Variants in SPDYC observed in about 807,000 individuals in gnomAD.
SPDYC encodes the protein speedy/RINGO cell cycle regulator family member C, also known as speedy protein C.
A neutral mutation model predicts 33.9 loss-of-function variants in SPDYC; 25 were observed. That is an observed-to-expected ratio of 0.74 (90% CI 0.54 to 1.03). The LOEUF is 1.03. SPDYC is among the 50% of genes least tolerant of loss of function. The pLI is 0.00. For missense variants in SPDYC, 349 were observed against 382.9 expected (o/e 0.91, Z 0.74); for synonymous variants, 133 against 140.2 (o/e 0.95, Z 0.36).
chr11:65,172,942 G>A (rs769694794), exon 6 of SPDYC: 3 of 1,613,924 alleles, frequency 1.9e-6, no homozygotes, highest in South Asian at 2.2e-5. Flanking sequence ...GGTCAAAAAC[G>A]CCTGGGGTGG....
Position 65,173,108 on chromosome 11 carries a change from T to C in SPDYC, c.848-75T>C, listed in dbSNP as rs190391962. 1.5e-3 allele frequency: 2,360 copies of C among 1,601,864 alleles called. 11 individuals are homozygous for C. The highest frequency in any genetic ancestry group is 1.0e-3 in the Non-Finnish European group (1,177 of 1,172,810). ...AATATGAGAGAGAGGGCCATGGGCC[T>C]GGGGTCGACGTGCTGCCCCTCCCGT... is the stretch of plus-strand genomic sequence containing the variant. On this transcript the variant is annotated intron_variant, in intron 6 of 6. Transcript: ENST00000377185.
At chr11:65,172,630 T>C (rs146895192) in intron 5 of SPDYC, 25 bp downstream of exon 5, 8 of 1,555,660 alleles carry the variant, frequency 5.1e-6, no homozygotes, top group Admixed American at 3.8e-5. Context: ...CAACCTGGGG[T>C]GTGGGGAAGG....
downstream of SPDYC, chr11:65,173,360 A>T: frequency 3.0e-6 from 3 of 1,015,330 alleles, no homozygotes; most frequent in Non-Finnish European, 4.2e-6. Flanking sequence ...TCATGTCCAC[A>T]GGACACCAAC....
At chr11:65,170,775 C>T (rs1271069297) in intron 1 of SPDYC, among the ~76,000 whole-genome samples, 1 of 152,028 alleles carries the variant, frequency 6.6e-6, no homozygotes, top group Non-Finnish European at 1.5e-5. Flanking sequence ...CCCAGCTACT[C>T]GGGAGGCTCA....
exon 5 of SPDYC, chr11:65,172,561 C>T (rs140606674): frequency 7.7e-6 from 12 of 1,560,228 alleles, no homozygotes; most frequent in African/African-American, 2.7e-5. Context: ...GCTTTGGGCA[C>T]GGATGGGTTT....
rs141260031 is a variant in SPDYC at position 65,171,970 on chromosome 11, C to T, written c.227C>T (p.Ser76Phe). The change falls in exon 3 of 7, where the codon TCC becomes TTC. Residue 76 changes from serine to phenylalanine, a missense_variant. Ser to Phe is a radical substitution (Grantham distance 155). Coordinates refer to ENST00000377185, the Ensembl canonical transcript of SPDYC. The stretch of plus-strand genomic sequence containing the variant: ...GACAGTTTTGTCCAGGAATTCCTCT[C>T]CAAAGACCCCTGCTTCCAGATTTCA... 3.8e-5 allele frequency: 61 copies of T among 1,614,018 alleles called. No homozygotes were observed. In the African/African-American group the frequency reaches 6.7e-4, roughly 18 times the overall value.
In SPDYC at chr11:65,173,199, G is replaced by A. The variant is rs148562610; in HGVS notation, c.864G>A (p.Pro288=). 6.2e-5 allele frequency: 100 copies of A among 1,613,890 alleles called. No homozygotes were observed. The African/African-American group carries it at 1.1e-3, about 17-fold the overall frequency. The change falls in exon 7 of 7, where the codon CCG becomes CCA. Residue 288 remains proline (P), a synonymous_variant. Coordinates refer to ENST00000377185, the Ensembl canonical transcript of SPDYC. The stretch of plus-strand genomic sequence containing the variant: ...TCTCCCCAGTCTTCCCAAAGCCTCC[G>A]GCACGCCCTGGGCACTGAAGCTCTG...
exon 2 of SPDYC, chr11:65,171,370 C>G: frequency 1.2e-6 from 2 of 1,612,580 alleles, no homozygotes; most frequent in Non-Finnish European, 1.7e-6. Flanking sequence ...GAGTGACTCC[C>G]AAGACCCCAC....
exon 2 of SPDYC, chr11:65,171,352 T>G (rs368854419): frequency 4.3e-6 from 7 of 1,612,474 alleles, no homozygotes; most frequent in South Asian, 1.1e-5. Context: ...CTCCATCTCC[T>G]ATGAGATGAG....
At chr11:65,173,118 G>C in intron 6 of SPDYC, 65 bp from the exon 7 acceptor site, 2 of 1,605,264 alleles carry the variant, frequency 1.2e-6, no homozygotes, top group Non-Finnish European at 1.7e-6. Flanking sequence ...TGGGGTCGAC[G>C]TGCTGCCCCT....
In SPDYC at chr11:65,172,943, C is replaced by G. The variant is rs762771817; in HGVS notation, c.776C>G (p.Ala259Gly). Reference sequence around the variant, plus strand: ...AATTATCTCTCAAGGGTCAAAAACGCCTGGGGTGGGGACTTTCTCATCGTC... The same window carrying G: ...AATTATCTCTCAAGGGTCAAAAACGGCTGGGGTGGGGACTTTCTCATCGTC... Residue 259 changes from alanine to glycine, a missense_variant, in exon 6 of 7, where the codon GCC becomes GGC. Ala to Gly is a moderately conservative substitution (Grantham distance 60). Transcript: ENST00000377185. 32 of 1,614,010 alleles carry G rather than the reference C, an allele frequency of 2.0e-5. No individual in the cohort carries two copies. The highest frequency in any genetic ancestry group is 2.5e-5 in the Non-Finnish European group (29 of 1,180,022).
chr11:65,171,468 C>T lies in SPDYC; in HGVS notation c.168C>T (p.His56=), dbSNP rs1247907421. Residue 56 remains histidine (H), a synonymous_variant, in exon 2 of 7, where the codon CAC becomes CAT. Coordinates refer to ENST00000377185, the Ensembl canonical transcript of SPDYC. ...ATGGGTTCCTCCGTTTTCGCCAGCA[C>T]CAGGAGGTCCAGGCCTTCCTCAGCC... 2 of 1,592,416 alleles carry T rather than the reference C, an allele frequency of 1.3e-6. 1 individual carries two copies. Among genetic ancestry groups the T allele is most frequent in the Admixed American group, 3.6e-5 (2 of 54,908 alleles).
rs79270751 is a variant in SPDYC at position 65,172,467 on chromosome 11, G to A, written c.378G>A (p.Glu126=). 301 of 1,589,770 alleles carry A rather than the reference G, an allele frequency of 1.9e-4. 1 individual carries two copies. In the African/African-American group the frequency reaches 3.5e-3, roughly 19 times the overall value. Residue 126 remains glutamate (E), a synonymous_variant, in exon 5 of 7, where the codon GAG becomes GAA. Coordinates refer to ENST00000377185, the Ensembl canonical transcript of SPDYC. ...CAAACGACATGGAGGAGGACCTGGA[G>A]GGCCCCAAATGTGAGATTTTTCCAT...
chr11:65,172,956 C>G lies in SPDYC; in HGVS notation c.789C>G (p.Asp263Glu), dbSNP rs1384777272. The G allele has an allele frequency of 1.9e-6, 3 of 1,613,818 alleles. No homozygotes were observed. The highest frequency in any genetic ancestry group is 3.3e-5 in the Admixed American group (2 of 59,984). ...GGGTCAAAAACGCCTGGGGTGGGGA[C>G]TTTCTCATCGTCTTGCCTCCCCAGA... The change falls in exon 6 of 7, where the codon GAC becomes GAG. Residue 263 changes from aspartate (D) to glutamate (E), a missense_variant. Transcript: ENST00000377185.
chr11:65,171,555 G>C, intron 2 of SPDYC, 56 bp downstream of exon 2: 1 of 1,451,354 alleles, frequency 6.9e-7, no homozygotes, highest in Non-Finnish European at 9.1e-7. Context: ...GAAAGCAGAT[G>C]TGAAGTGTGG....
At chr11:65,171,533 G>A (rs554630000) in intron 2 of SPDYC, 34 bp downstream of exon 2, 1 of 1,492,148 alleles carries the variant, frequency 6.7e-7, no homozygotes, top group South Asian at 1.3e-5. Context: ...GAGGGGCCGT[G>A]AGGTCAAGTG....
At position 65,172,003 on chromosome 11, in the gene SPDYC, T is replaced by C. The variant is rs1373885530; in HGVS notation, c.258+2T>C. The C allele has an allele frequency of 1.2e-6, 2 of 1,613,924 alleles. No individual in the cohort carries two copies. The highest frequency in any genetic ancestry group is 8.5e-7 in the Non-Finnish European group (1 of 1,179,948). On this transcript the variant is annotated splice_donor_variant, in intron 3 of 6. Transcript: ENST00000377185. LOFTEE classifies it high-confidence loss of function. ...CCCTGCTTCCAGATTTCAGATAAGG[T>C]GAGGGAGTACAGGCTGGGGGTCTCT...
downstream of SPDYC, chr11:65,173,292 C>T (rs1266019649): frequency 4.6e-6 from 7 of 1,529,272 alleles, no homozygotes; most frequent in African/African-American, 2.8e-5. Flanking sequence ...CCCACCCCTG[C>T]CCCTTCCTCC....
At chr11:65,171,392 T>A (rs145384969) in exon 2 of SPDYC, 87 of 1,610,692 alleles carry the variant, frequency 5.4e-5, no homozygotes, top group Non-Finnish European at 6.8e-5. Flanking sequence ...ACTTCCCCTG[T>A]AGTTACCACC....
Sources: gnomAD v4.1 joint callset for allele counts (sites outside exome capture counted in the v4.1 genomes callset) on GRCh38, gnomAD v4.1.1 for gene constraint, MANE v1.5 for transcripts, NCBI Gene and HGNC (gene_info 2026-07-23, HGNC 2026-07-21) for gene names.